CNGB1: variants seen among roughly 807,000 people sequenced by gnomAD.
The protein encoded by CNGB1 is cyclic nucleotide-gated channel beta-1.
Under a neutral mutation model 151.7 loss-of-function variants are expected in CNGB1, and 126 were observed. The ratio of observed to expected loss-of-function variants is 0.83; its 90% CI spans 0.72 to 0.96. The LOEUF is 0.96. CNGB1 is among the 40% of genes least tolerant of loss of function. The probability of loss-of-function intolerance (pLI) is 0.00; values close to 1 mark genes in which losing one functional copy is unlikely to be tolerated. For synonymous variants in CNGB1, 623 were observed against 635.1 expected (o/e 0.98, Z 0.29); for missense variants, 1,698 against 1,627.0 (o/e 1.04, Z -0.75).
At position 57,884,319 on chromosome 16, in the gene CNGB1, G is replaced by C. The variant is rs1367074488; in HGVS notation, c.3601C>G (p.Pro1201Ala). Residue 1201 changes from proline to alanine, a missense_variant, in exon 33 of 33, where the codon CCG (proline) becomes GCG (alanine). Pro to Ala is a conservative substitution (Grantham distance 27). Coordinates refer to ENST00000251102, the MANE Select transcript of CNGB1 (RefSeq NM_001297.5). The stretch of plus-strand genomic sequence containing the variant: ...TCCGGCCTCCCAAGGGAGGCAGGCG[G>C]TGGAGAGCTCGGTGGAGACCCCGGG... Reference protein sequence around the residue: ...EPPGSPPSSPPPASLGRPEGE... With the variant: ...EPPGSPPSSPAPASLGRPEGE... 5 of 1,612,048 alleles carry C rather than the reference G, an allele frequency of 3.1e-6. No individual in the cohort carries two copies. The African/African-American group carries it at 6.7e-5, about 22-fold the overall frequency.
intron 12 of CNGB1, among the ~76,000 whole-genome samples, chr16:57,956,423 C>T (rs187165528): frequency 7.0e-4 from 107 of 152,322 alleles, no homozygotes; most frequent in African/African-American, 2.3e-3. Flanking sequence ...ACGCCCCCCA[C>T]GCCTCTCCAT....
At chr16:57,910,264 C>T (rs960348998) in intron 25 of CNGB1, among the ~76,000 whole-genome samples, 1 of 152,206 alleles carries the variant, frequency 6.6e-6, no homozygotes, top group East Asian at 1.9e-4. Context: ...TATTTAGAGG[C>T]TTCATCTGCA....
At chr16:57,911,227 G>A (rs1420000505) in intron 25 of CNGB1, among the ~76,000 whole-genome samples, 4 of 152,186 alleles carry the variant, frequency 2.6e-5, no homozygotes, top group East Asian at 1.9e-4. Flanking sequence ...CAGTACCTCC[G>A]GCCTGGCACA....
intron 29 of CNGB1, among the ~76,000 whole-genome samples, chr16:57,900,690 G>C (rs774958381): frequency 6.6e-6 from 1 of 152,120 alleles, no homozygotes; most frequent in African/African-American, 2.4e-5. Flanking sequence ...GAAGGGACAC[G>C]ATGTCCCCCT....
Position 57,917,285 on chromosome 16 carries a change from T to C in CNGB1, c.2149A>G (p.Arg717Gly), listed in dbSNP as rs1024308497. The change falls in exon 21 of 33, where the codon AGA (arginine) becomes GGA (glycine). Residue 717 changes from arginine to glycine, a missense_variant. Physicochemically the swap from Arg to Gly is moderately radical, Grantham distance 125. Transcript: ENST00000251102. Reference protein sequence around the residue: ...TVFQTRLQFVRGGDIITDKKD... With the variant: ...TVFQTRLQFVGGGDIITDKKD... ...TGACTCACAATGATGTCCCCGCCTC[T>C]GACAAACTGCAGGCGTGTCTGGAAC... is the stretch of plus-strand genomic sequence containing the variant. 4 of 1,613,966 alleles carry C rather than the reference T, an allele frequency of 2.5e-6. No individual in the cohort carries two copies. Among genetic ancestry groups the C allele is most frequent in the Non-Finnish European group, 3.4e-6 (4 of 1,179,950 alleles).
chr16:57,911,897 T>C, intron 24 of CNGB1, 22 bp from the exon 25 acceptor site: 2 of 1,612,396 alleles, frequency 1.2e-6, no homozygotes, highest in Non-Finnish European at 1.7e-6. Flanking sequence ...ACACAGCGCA[T>C]GAACACAGCG....
At chr16:57,904,683 AG>A (rs749407409) in intron 26 of CNGB1, 50 bp downstream of exon 26, 22 of 1,611,990 alleles carry the variant, frequency 1.4e-5, no homozygotes, top group South Asian at 6.6e-5. Flanking sequence ...CAACAGTGGG[AG>A]GGGGCCCTGC....
At chr16:57,931,670 G>A in intron 17 of CNGB1, 46 bp downstream of exon 17, 1 of 1,604,402 alleles carries the variant, frequency 6.2e-7, no homozygotes, top group Non-Finnish European at 8.5e-7. Context: ...CAAATAAACA[G>A]GTGGCACAGT....
intron 15 of CNGB1, 69 bp from the exon 16 acceptor site, chr16:57,939,661 T>C: frequency 1.9e-6 from 3 of 1,598,566 alleles, no homozygotes; most frequent in Non-Finnish European, 2.6e-6. Context: ...GCAGCTCCTG[T>C]TAGATCTGCC....
chr16:57,956,624 G>C (rs1370888327), intron 12 of CNGB1, among the ~76,000 whole-genome samples: 2 of 152,166 alleles, frequency 1.3e-5, no homozygotes, highest in African/African-American at 4.8e-5. Context: ...TTGTGTTCAG[G>C]ATGGAACAGG....
In CNGB1 at chr16:57,903,963, C is replaced by A. The variant is rs771296652; in HGVS notation, c.2653G>T (p.Ala885Ser). ...TAGTAGGTCTGTCCGGCGGTGGCGG[C>A]CCCTACCACATCTCTCATCTGGGGG... ...MIGQMRDVVG[A>S]ATAGQTYYRS... Residue 885 changes from alanine to serine, a missense_variant, in exon 27 of 33, where the codon GCC (alanine) becomes TCC (serine). Coordinates refer to ENST00000251102, the MANE Select transcript of CNGB1 (RefSeq NM_001297.5). 3 of 1,613,812 alleles carry A rather than the reference C, an allele frequency of 1.9e-6. No individual in the cohort carries two copies. In the East Asian group the frequency reaches 6.7e-5, roughly 36 times the overall value.
intron 7 of CNGB1, among the ~76,000 whole-genome samples, chr16:57,961,540 T>A (rs1165868004): frequency 5.3e-5 from 8 of 152,088 alleles, no homozygotes; most frequent in African/African-American, 1.9e-4. Context: ...GGTGCCCTCA[T>A]CCTAAATTGC....
At chr16:57,952,923 G>C (rs969322147) in intron 12 of CNGB1, among the ~76,000 whole-genome samples, 2 of 152,202 alleles carry the variant, frequency 1.3e-5, no homozygotes, top group African/African-American at 4.8e-5. Context: ...AACCTGGAAG[G>C]GGAGGGATTG....
chr16:57,892,846 C>T (rs1365873882), intron 31 of CNGB1, among the ~76,000 whole-genome samples: 1 of 152,196 alleles, frequency 6.6e-6, no homozygotes. Flanking sequence ...CGTTGAAATG[C>T]CACCTGCTCA....
At chr16:57,955,359 C>G (rs1057471463) in intron 12 of CNGB1, 43 of 1,551,596 alleles carry the variant, frequency 2.8e-5, no homozygotes, top group African/African-American at 4.1e-5. Context: ...ACCTCCAGCT[C>G]CCATCACCCC....
chr16:57,966,180 T>C (rs1424033675), intron 2 of CNGB1, among the ~76,000 whole-genome samples: 4 of 152,206 alleles, frequency 2.6e-5, no homozygotes, highest in Non-Finnish European at 5.9e-5. Context: ...TAGTTTGGTC[T>C]GACACACTTA....
intron 1 of CNGB1, 94 bp from the exon 2 acceptor site, chr16:57,967,388 C>A: frequency 7.6e-7 from 1 of 1,320,496 alleles, no homozygotes. Context: ...TTTCCTTTTC[C>A]TTCATCAACT....
intron 2 of CNGB1, among the ~76,000 whole-genome samples, chr16:57,964,878 G>T (rs1200716520): frequency 6.6e-6 from 1 of 152,164 alleles, no homozygotes; most frequent in Non-Finnish European, 1.5e-5. Flanking sequence ...TAGTTATGAA[G>T]CCTTGGGGCT....
rs533473253 is a variant in CNGB1, at chr16:57,965,177, A to G, written c.160-633T>C. Reference sequence around the variant, plus strand: ...ACAGACATACAATGTGAGCATATATACACATACATATGCATGTATACAATG... The same window carrying G: ...ACAGACATACAATGTGAGCATATATGCACATACATATGCATGTATACAATG... On this transcript the variant is annotated intron_variant, in intron 2 of 32. Transcript: ENST00000251102. 7.2e-5 allele frequency among the ~76,000 whole-genome samples: 11 copies of G among 152,374 alleles called. No individual in the cohort carries two copies. The East Asian group carries it at 2.1e-3, about 29-fold the overall frequency.
Sources: allele counts gnomAD v4.1 joint callset (sites outside exome capture counted in the v4.1 genomes callset), GRCh38; gene constraint gnomAD v4.1.1; transcripts MANE v1.5; gene names NCBI Gene and HGNC (gene_info 2026-07-23, HGNC 2026-07-21).